Variants in SPAG9 observed in about 807,000 individuals in gnomAD.
The protein encoded by SPAG9 is sperm associated antigen 9.
In SPAG9, 35 loss-of-function variants were observed where a neutral mutation model predicts 166.5. The ratio of observed to expected loss-of-function variants is 0.21; its 90% CI spans 0.16 to 0.28. The LOEUF is 0.28. Ranked by LOEUF, SPAG9 falls within the 10% of genes least tolerant of loss-of-function variation. SPAG9 has a pLI of 1.00. For synonymous variants in SPAG9, 534 were observed against 565.5 expected (o/e 0.94, Z 0.79); for missense variants, 1,235 against 1,603.3 (o/e 0.77, Z 3.92).
chr17:50,968,452 T>A (rs985535725), intron 29 of SPAG9, among the ~76,000 whole-genome samples: 6 of 152,166 alleles, frequency 3.9e-5, no homozygotes, highest in Non-Finnish European at 8.8e-5. Flanking sequence ...GCAAATAAGC[T>A]GGGTGCGGTG....
rs1331207215 is a variant in SPAG9, at chr17:50,971,854, G to A, written c.3701-998C>T. Among the ~76,000 whole-genome samples the A allele has an allele frequency of 2.6e-5, 4 of 152,088 alleles. No homozygotes were observed. The East Asian group carries it at 5.8e-4, about 22-fold the overall frequency. On this transcript the variant is annotated intron_variant, in intron 28 of 29. Transcript: ENST00000262013. ...GCGATCTCGGCTCACTGCAACCTTC[G>A]CCTCTGGGGTTCAAACAATTCTCTT...
intron 10 of SPAG9, among the ~76,000 whole-genome samples, chr17:51,006,761 T>C (rs2045236054): frequency 6.6e-6 from 1 of 152,170 alleles, no homozygotes; most frequent in African/African-American, 2.4e-5. Flanking sequence ...AGGAACCCAG[T>C]CAGCTTTTCC....
At chr17:51,095,023 C>T (rs1042768957) in intron 1 of SPAG9, among the ~76,000 whole-genome samples, 19 of 152,052 alleles carry the variant, frequency 1.2e-4, no homozygotes, top group Non-Finnish European at 2.2e-4. Flanking sequence ...AGGCTGGGCG[C>T]GGTGGCTGAC....
rs761949604 is a variant in SPAG9, at chr17:50,974,808, C to G, written c.3663G>C (p.Gly1221=). 1.2e-6 allele frequency: 2 copies of G among 1,604,966 alleles called. No individual in the cohort carries two copies. The highest frequency in any genetic ancestry group is 1.7e-6 in the Non-Finnish European group (2 of 1,178,010). ...CAAAGAATTTCACAGCATCCCGGTG[C>G]CCATGGAAGCAAAGCTGTGCATGTG... ...SMAHAQLCFH[G]HRDAVKFFVA... Residue 1221 remains glycine (G), a synonymous_variant, in exon 28 of 30, where the codon GGG becomes GGC. Coordinates refer to ENST00000262013, the MANE Select transcript of SPAG9 (RefSeq NM_001130528.3).
At chr17:51,008,109 T>G (rs540996349) in intron 9 of SPAG9, among the ~76,000 whole-genome samples, 2 of 152,308 alleles carry the variant, frequency 1.3e-5, no homozygotes, top group Non-Finnish European at 2.9e-5. Flanking sequence ...TAACTATAAT[T>G]AGATTGAAAA....
Position 51,120,704 on chromosome 17 carries a change from G to A in SPAG9, c.-48C>T. ...GGCCCGGGGCGTCGCCGGCAGAGGG[G>A]CGGCACCTGCCCGCACGGGACGGAC... is the stretch of plus-strand genomic sequence containing the variant. On this transcript the variant is annotated 5_prime_UTR_variant, in exon 1 of 30. Transcript: ENST00000262013. The surrounding 1 kb of genome is among the most constrained non-coding windows in gnomAD (Gnocchi z 4.7). 6.7e-7 allele frequency: 1 copy of A among 1,490,106 alleles called. No individual in the cohort carries two copies. Among genetic ancestry groups the A allele is most frequent in the Non-Finnish European group, 9.0e-7 (1 of 1,110,062 alleles). 92.3% of individuals were successfully genotyped at this position (1,490,106 alleles called of 1,614,324 possible). A position where few individuals can be genotyped will look rare whatever the true frequency, so the allele number is the denominator to read the frequency against.
chr17:50,988,541 A>G (rs1373559890), intron 21 of SPAG9, among the ~76,000 whole-genome samples: 1 of 151,974 alleles, frequency 6.6e-6, no homozygotes, highest in Non-Finnish European at 1.5e-5. Flanking sequence ...AGCCTAAAAC[A>G]AACAGTTTTC....
At chr17:51,053,863 A>G (rs2047269915) in intron 3 of SPAG9, among the ~76,000 whole-genome samples, 4 of 71,652 alleles carry the variant, frequency 5.6e-5, no homozygotes, top group Admixed American at 3.9e-4. Flanking sequence ...AAGTATATAT[A>G]TATATATATA....
At chr17:51,049,789 G>A (rs559259167) in intron 3 of SPAG9, among the ~76,000 whole-genome samples, 2 of 152,250 alleles carry the variant, frequency 1.3e-5, no homozygotes, top group South Asian at 4.1e-4. Context: ...GTAGAGACGG[G>A]GTTTCACCAT....
chr17:51,046,438 C>T (rs1011076465), intron 4 of SPAG9: 9 of 1,194,152 alleles, frequency 7.5e-6, no homozygotes, highest in Admixed American at 2.3e-5. Context: ...AAAGCAGACC[C>T]GTTGAGCTAA....
At chr17:51,009,696 G>A (rs972473956) in intron 9 of SPAG9, among the ~76,000 whole-genome samples, 1 of 152,106 alleles carries the variant, frequency 6.6e-6, no homozygotes, top group African/African-American at 2.4e-5. Context: ...AACTGGCAAT[G>A]TACAGAGCTT....
rs1568045168 is a variant in SPAG9 at position 51,053,891 on chromosome 17, AT to A, written c.495+2520del. Among the ~76,000 whole-genome samples the A allele has an allele frequency of 1.7e-3, 196 of 117,118 alleles. 3 individuals are homozygous for A. Among genetic ancestry groups the A allele is most frequent in the African/African-American group, 5.4e-3 (165 of 30,668 alleles). The allele number at this position is 117,118 out of a possible 152,430, so 76.8% of individuals were successfully genotyped here. ...TATATATATATATATATATATATAT[AT>A]ATATATAAAACATATATGTATTTAT... On this transcript the variant is annotated intron_variant, in intron 3 of 29. Transcript: ENST00000262013.
chr17:51,094,387 T>G (rs1017786137), intron 1 of SPAG9, among the ~76,000 whole-genome samples: 1 of 152,166 alleles, frequency 6.6e-6, no homozygotes, highest in Non-Finnish European at 1.5e-5. Flanking sequence ...CTATAATTAA[T>G]ATACTCAGAG....
intron 8 of SPAG9, among the ~76,000 whole-genome samples, chr17:51,019,816 C>T (rs528700723): frequency 2.6e-5 from 4 of 152,270 alleles, no homozygotes; most frequent in African/African-American, 7.2e-5. Flanking sequence ...CGCACCATTG[C>T]ACTCCAGCCT....
intron 25 of SPAG9, among the ~76,000 whole-genome samples, chr17:50,980,449 C>T (rs1974514896): frequency 6.6e-6 from 1 of 152,034 alleles, no homozygotes; most frequent in Non-Finnish European, 1.5e-5. Context: ...AAGTGATCTG[C>T]CCACCTCGGC....
intron 2 of SPAG9, among the ~76,000 whole-genome samples, chr17:51,061,597 C>G (rs1437364804): frequency 9.6e-6 from 1 of 103,738 alleles, no homozygotes; most frequent in Non-Finnish European, 1.7e-5. Flanking sequence ...GCAACAAGAG[C>G]GAAAGCTCTG....
intron 1 of SPAG9, among the ~76,000 whole-genome samples, chr17:51,097,641 A>G (rs1211109114): frequency 6.6e-6 from 1 of 152,158 alleles, no homozygotes; most frequent in African/African-American, 2.4e-5. Flanking sequence ...TGAGATTGGC[A>G]TAAGTGTTGT....
intron 22 of SPAG9, 57 bp from the exon 23 acceptor site, chr17:50,985,835 A>G (rs1975008110): frequency 2.1e-6 from 2 of 968,636 alleles, no homozygotes; most frequent in Non-Finnish European, 3.2e-6. Context: ...CATTGCATAT[A>G]TCTAACAATG....
intron 8 of SPAG9, among the ~76,000 whole-genome samples, chr17:51,015,625 A>C (rs1282884044): frequency 6.6e-6 from 1 of 152,190 alleles, no homozygotes; most frequent in Non-Finnish European, 1.5e-5. Context: ...ACAAAAAAAC[A>C]AAGCACTTAA....
Sources: allele counts gnomAD v4.1 joint callset (sites outside exome capture counted in the v4.1 genomes callset), GRCh38; gene constraint gnomAD v4.1.1; non-coding constraint Gnocchi (gnomAD v3.1); transcripts MANE v1.5; gene names NCBI Gene and HGNC (gene_info 2026-07-23, HGNC 2026-07-21).